Variants in CPEB3 observed in about 807,000 individuals in gnomAD.
CPEB3 encodes cytoplasmic polyadenylation element-binding protein 3.
Under a neutral mutation model 67.2 loss-of-function variants are expected in CPEB3, and 20 were observed. The observed-to-expected ratio is 0.30, with a 90% CI of 0.21 to 0.43. CPEB3 has a LOEUF of 0.43. CPEB3 is among the 20% of genes least tolerant of loss of function. The probability of loss-of-function intolerance (pLI) is 1.00; values close to 1 mark genes in which losing one functional copy is unlikely to be tolerated. For synonymous variants in CPEB3, 376 were observed against 393.1 expected (o/e 0.96, Z 0.51); for missense variants, 746 against 968.6 (o/e 0.77, Z 3.05).
chr10:92,069,098 A>G (rs977649568), intron 9 of CPEB3, among the ~76,000 whole-genome samples: 3 of 152,214 alleles, frequency 2.0e-5, no homozygotes, highest in East Asian at 1.9e-4. Context: ...TTCTTTTGCT[A>G]TTGAGTCATT....
intron 1 of CPEB3, among the ~76,000 whole-genome samples, chr10:92,250,381 C>T (rs974253838): frequency 7.2e-5 from 11 of 152,042 alleles, no homozygotes; most frequent in African/African-American, 2.7e-4. Flanking sequence ...AGCCACTGTA[C>T]CCGGCCAATT....
chr10:92,283,246 C>G lies in CPEB3; in HGVS notation c.-12+7680G>C, dbSNP rs148899652. ...AGCCTGGGTGACAGTGAGACTCTCT[C>G]AAAAATAAAAATAAAAATAAAAATC... On this transcript the variant is annotated intron_variant, in intron 1 of 9. Transcript: ENST00000265997. Among the ~76,000 whole-genome samples the G allele has an allele frequency of 3.3e-3, 502 of 152,094 alleles. 4 individuals are homozygous for G. The highest frequency in any genetic ancestry group is 0.011 in the African/African-American group (471 of 41,490).
intron 9 of CPEB3, among the ~76,000 whole-genome samples, chr10:92,053,648 TCTCCTGCCTTAGC>T (rs1842000431): frequency 6.6e-6 from 1 of 151,930 alleles, no homozygotes; most frequent in Non-Finnish European, 1.5e-5. Flanking sequence ...TTCACGCCAT[TCTCCTGCCTTAGC>T]CTCCTGAGTA....
At chr10:92,217,560 G>A (rs960631415) in intron 2 of CPEB3, among the ~76,000 whole-genome samples, 6 of 151,728 alleles carry the variant, frequency 4.0e-5, no homozygotes, top group African/African-American at 7.3e-5. Flanking sequence ...TCAGGAGTTC[G>A]AGACCAGCAT....
intron 8 of CPEB3, among the ~76,000 whole-genome samples, chr10:92,088,775 C>T (rs1843487411): frequency 6.6e-6 from 1 of 152,160 alleles, no homozygotes; most frequent in Non-Finnish European, 1.5e-5. Flanking sequence ...TGAGTAGGGA[C>T]ACCCATATCT....
intron 9 of CPEB3, among the ~76,000 whole-genome samples, chr10:92,071,787 A>T (rs1318083643): frequency 2.6e-5 from 4 of 152,238 alleles, no homozygotes; most frequent in Non-Finnish European, 4.4e-5. Flanking sequence ...GACAATACAA[A>T]ACCAGCCACA....
chr10:92,194,228 T>A (rs1849123207), intron 2 of CPEB3, among the ~76,000 whole-genome samples: 1 of 151,648 alleles, frequency 6.6e-6, no homozygotes, highest in Admixed American at 6.6e-5. Context: ...GATCATGAGG[T>A]CAGGAGACTG....
rs974031301 is a variant in CPEB3, at chr10:92,239,656, G to A, written c.695C>T (p.Ala232Val). 6.4e-7 allele frequency: 1 copy of A among 1,559,950 alleles called. No homozygotes were observed. The highest frequency in any genetic ancestry group is 8.7e-7 in the Non-Finnish European group (1 of 1,153,700). Reference sequence around the variant, plus strand: ...GGACGAGGCCGACGAGGCGGCGGCTGCGGCAGCAGCGGCTGCAACCGCCGA... The same window carrying A: ...GGACGAGGCCGACGAGGCGGCGGCTACGGCAGCAGCGGCTGCAACCGCCGA... ...SSSAVAAAAA[A>V]AAASSASSSW... The change falls in exon 2 of 10, where the codon GCA becomes GTA. Residue 232 changes from alanine (A) to valine (V), a missense_variant. By Grantham distance (64) the Ala-to-Val change is moderately conservative (BLOSUM62 0). Transcript: ENST00000265997. The surrounding 1 kb of genome is among the most constrained non-coding windows in gnomAD (Gnocchi z 6.0).
rs749064313 is a variant in CPEB3, at chr10:92,239,910, G to T, written c.441C>A (p.Phe147Leu). Residue 147 changes from phenylalanine to leucine, a missense_variant, in exon 2 of 10, where the codon TTC becomes TTA. Phe to Leu is a conservative substitution (Grantham distance 22). This residue lies in a region of CPEB3 where 643 missense variants were observed against 717.5 expected (regional missense o/e 0.90). Transcript: ENST00000265997. This position sits in a 1 kb window ranked among gnomAD's most constrained non-coding sequence, Gnocchi z 6.0. ...CGATCTGCGGGGAGAAAGTGCCTCCGAAGACTGGGTTGACATGGTGCGGGA... is the reference window on the plus strand; with the variant it reads ...CGATCTGCGGGGAGAAAGTGCCTCCTAAGACTGGGTTGACATGGTGCGGGA... ...QNFPHHVNPV[F>L]GGTFSPQIGL... 6 of 1,612,824 alleles carry T rather than the reference G, an allele frequency of 3.7e-6. No homozygotes were observed. Among genetic ancestry groups the T allele is most frequent in the Non-Finnish European group, 5.1e-6 (6 of 1,179,514 alleles).
chr10:92,217,584 G>A (rs190911704), intron 2 of CPEB3, among the ~76,000 whole-genome samples: 21 of 151,652 alleles, frequency 1.4e-4, no homozygotes, highest in Admixed American at 5.3e-4. Context: ...CAACATGGAG[G>A]AACCCCGTCT....
At chr10:92,268,635 T>C (rs1564921660) in intron 1 of CPEB3, among the ~76,000 whole-genome samples, 1 of 152,232 alleles carries the variant, frequency 6.6e-6, no homozygotes, top group African/African-American at 2.4e-5. Context: ...CTCACACAAC[T>C]TGAACTCACT....
intron 7 of CPEB3, among the ~76,000 whole-genome samples, 162 bp downstream of exon 7, chr10:92,110,914 T>C (rs1339295399): frequency 6.6e-6 from 1 of 152,218 alleles, no homozygotes; most frequent in Non-Finnish European, 1.5e-5. Context: ...AATTTGTTGT[T>C]AGTTTCCCAT....
intron 6 of CPEB3, among the ~76,000 whole-genome samples, chr10:92,114,993 A>G (rs1312041169): frequency 6.6e-6 from 1 of 152,230 alleles, no homozygotes; most frequent in Non-Finnish European, 1.5e-5. Flanking sequence ...AATTAATAAT[A>G]TGCACTTTCA....
intron 2 of CPEB3, among the ~76,000 whole-genome samples, chr10:92,227,589 A>AT (rs1377304093): frequency 6.8e-6 from 1 of 148,112 alleles, no homozygotes; most frequent in Non-Finnish European, 1.5e-5. Context: ...TACTTATTTT[A>AT]TTTTTTTCTT....
intron 7 of CPEB3, among the ~76,000 whole-genome samples, chr10:92,109,501 C>G (rs189812722): frequency 6.6e-6 from 1 of 152,116 alleles, no homozygotes; most frequent in Non-Finnish European, 1.5e-5. Flanking sequence ...ATCCACCCAC[C>G]TTGGCCTCCC....
At position 92,248,542 on chromosome 10, in the gene CPEB3, G is replaced by A. The variant is rs556124389; in HGVS notation, c.-11-8181C>T. Among the ~76,000 whole-genome samples, 14 of 152,142 alleles carry A rather than the reference G, an allele frequency of 9.2e-5. No individual in the cohort carries two copies. The South Asian group carries it at 2.9e-3, about 32-fold the overall frequency. ...CACTATACATGCTTGCTAAATATACGGATAAATGGATGGATGAATAAAGCA... is the reference window on the plus strand; with the variant it reads ...CACTATACATGCTTGCTAAATATACAGATAAATGGATGGATGAATAAAGCA... On this transcript the variant is annotated intron_variant, in intron 1 of 9. Transcript: ENST00000265997.
At chr10:92,182,592 G>A (rs1252135538) in intron 3 of CPEB3, among the ~76,000 whole-genome samples, 2 of 152,122 alleles carry the variant, frequency 1.3e-5, no homozygotes, top group Non-Finnish European at 2.9e-5. Context: ...TTGGGAAGCC[G>A]AGGAGGGCAG....
chr10:92,181,755 A>G (rs1848471115), intron 3 of CPEB3, among the ~76,000 whole-genome samples: 2 of 152,238 alleles, frequency 1.3e-5, no homozygotes, highest in Admixed American at 1.3e-4. Flanking sequence ...CAAAAATAAA[A>G]CAAAGAACAA....
In CPEB3 at chr10:92,239,218, G is replaced by T; in HGVS notation, c.1005+128C>A. On this transcript the variant is annotated intron_variant, in intron 2 of 9. Transcript: ENST00000265997. The surrounding 1 kb of genome is among the most constrained non-coding windows in gnomAD (Gnocchi z 6.0). ...ACAGCCCTAAAGAACTGGAGGCTTC[G>T]GAAGGGGAAAGAGGAGCTGGACATT... The T allele has an allele frequency of 9.6e-7, 1 of 1,044,458 alleles. No homozygotes were observed. Among genetic ancestry groups the T allele is most frequent in the Non-Finnish European group, 1.4e-6 (1 of 723,250 alleles). 64.7% of individuals were successfully genotyped at this position (1,044,458 alleles called of 1,614,324 possible).
Sources: allele counts gnomAD v4.1 joint callset (sites outside exome capture counted in the v4.1 genomes callset), GRCh38; gene constraint gnomAD v4.1.1; regional missense constraint gnomAD v4.1.1; non-coding constraint Gnocchi (gnomAD v3.1); transcripts MANE v1.5; gene names NCBI Gene and HGNC (gene_info 2026-07-23, HGNC 2026-07-21).